Variants in GRIN2A observed in about 807,000 individuals in gnomAD.
GRIN2A encodes glutamate ionotropic receptor NMDA type subunit 2A.
GRIN2A carries 22 observed loss-of-function variants against 113.4 expected under a neutral mutation model. The ratio of observed to expected loss-of-function variants is 0.19; its 90% CI spans 0.14 to 0.28. The LOEUF (loss-of-function observed/expected upper bound fraction) is 0.28, where lower values mean the gene tolerates loss of function less well. Among genes scored for constraint, GRIN2A ranks in the 10% least tolerant of loss-of-function variants. GRIN2A has a pLI of 1.00. For missense variants in GRIN2A, 1,502 were observed against 1,887.0 expected (o/e 0.80, Z 3.78); for synonymous variants, 827 against 738.4 (o/e 1.12, Z -1.94).
intron 2 of GRIN2A, among the ~76,000 whole-genome samples, chr16:10,053,688 C>T (rs1476722985): frequency 5.9e-5 from 9 of 152,184 alleles, no homozygotes; most frequent in Non-Finnish European, 2.9e-5. Flanking sequence ...GCTGTTACAA[C>T]GTCCTTCTGT....
chr16:10,029,588 C>T (rs1403709227), intron 2 of GRIN2A, among the ~76,000 whole-genome samples: 1 of 152,228 alleles, frequency 6.6e-6, no homozygotes, highest in Non-Finnish European at 1.5e-5. Flanking sequence ...AAAGTTAATG[C>T]CCCAACATTT....
At chr16:9,930,967 G>T (rs1053774531) in intron 3 of GRIN2A, among the ~76,000 whole-genome samples, 2 of 152,178 alleles carry the variant, frequency 1.3e-5, no homozygotes, top group African/African-American at 4.8e-5. Flanking sequence ...TTTTAAAGCT[G>T]AAGCCTGACT....
chr16:9,762,038 C>G lies in GRIN2A; in HGVS notation c.*1111G>C, dbSNP rs1900606756. 1 of 200,408 alleles carries G rather than the reference C, an allele frequency of 5.0e-6. No homozygotes were observed. Among genetic ancestry groups the G allele is most frequent in the Admixed American group, 6.0e-5 (1 of 16,548 alleles). 12.4% of individuals were successfully genotyped at this position (200,408 alleles called of 1,614,324 possible). On this transcript the variant is annotated 3_prime_UTR_variant, in exon 13 of 13. Transcript: ENST00000330684. ...TTTCTGGATGTGAAGGAAGATAAAC[C>G]TAAAACCATGCTAGCCTTCGGCAGA...
intron 2 of GRIN2A, among the ~76,000 whole-genome samples, chr16:9,994,430 A>AG (rs1161966787): frequency 6.6e-6 from 1 of 152,152 alleles, no homozygotes; most frequent in Non-Finnish European, 1.5e-5. Context: ...GAAATGAGAG[A>AG]GTCTCAGCAA....
intron 2 of GRIN2A, chr16:10,112,295 A>G: frequency 1.5e-6 from 1 of 646,550 alleles, no homozygotes; most frequent in South Asian, 1.7e-5. Flanking sequence ...ATGTGGTGAC[A>G]GCAGCCCAGG....
At chr16:9,888,945 C>T (rs971758029) in intron 4 of GRIN2A, among the ~76,000 whole-genome samples, 15 of 151,996 alleles carry the variant, frequency 9.9e-5, no homozygotes, top group African/African-American at 3.6e-4. Flanking sequence ...CCTCAGATAG[C>T]CCCCACTTAT....
At chr16:9,829,340 G>C (rs1229056262) in intron 9 of GRIN2A, 83 bp downstream of exon 9, 1 of 847,336 alleles carries the variant, frequency 1.2e-6, no homozygotes, top group African/African-American at 1.7e-5. Context: ...GGATCTCAAT[G>C]AGAGGCACCT....
chr16:10,078,738 C>T (rs2142049848), intron 2 of GRIN2A, among the ~76,000 whole-genome samples: 1 of 152,320 alleles, frequency 6.6e-6, no homozygotes, highest in Middle Eastern at 3.4e-3. Context: ...CAGCCCCCTT[C>T]AGGCCAAGAG....
intron 2 of GRIN2A, among the ~76,000 whole-genome samples, chr16:10,024,377 C>T (rs1406017184): frequency 6.6e-6 from 1 of 152,142 alleles, no homozygotes; most frequent in Non-Finnish European, 1.5e-5. Flanking sequence ...TGTGTGCCAC[C>T]ACACCCAGCT....
At chr16:10,016,315 A>G (rs969050558) in intron 2 of GRIN2A, among the ~76,000 whole-genome samples, 5 of 152,092 alleles carry the variant, frequency 3.3e-5, no homozygotes, top group Non-Finnish European at 5.9e-5. Flanking sequence ...CTCATGGTAC[A>G]TGTTTCATCT....
At chr16:9,870,470 C>T (rs1160026384) in intron 4 of GRIN2A, among the ~76,000 whole-genome samples, 1 of 152,064 alleles carries the variant, frequency 6.6e-6, no homozygotes, top group Non-Finnish European at 1.5e-5. Flanking sequence ...GATAATAATA[C>T]AAAAGTCCTA....
intron 12 of GRIN2A, among the ~76,000 whole-genome samples, chr16:9,765,725 G>A (rs936291344): frequency 2.6e-5 from 4 of 152,080 alleles, no homozygotes; most frequent in East Asian, 3.9e-4. Flanking sequence ...TTACTTAATC[G>A]ACTCAATCTA....
rs2141125546 is a variant in GRIN2A, at chr16:9,763,337, A to G, written c.4207T>C (p.Ser1403Pro). The change falls in exon 13 of 13, where the codon TCG becomes CCG. Residue 1403 changes from serine (S) to proline (P), a missense_variant. Physicochemically the swap from Ser to Pro is moderately conservative, Grantham distance 74. Coordinates refer to ENST00000330684, the MANE Select transcript of GRIN2A (RefSeq NM_001134407.3). The part of the protein sequence containing the change: ...SQAVNDSYLR[S>P]SLRSTASYCS... ...TACGATGCCGTTGACCTCAAGGACGACCGAAGATAGCTGTCATTCACCGCC... is the reference window on the plus strand; with the variant it reads ...TACGATGCCGTTGACCTCAAGGACGGCCGAAGATAGCTGTCATTCACCGCC... 2 of 1,614,126 alleles carry G rather than the reference A, an allele frequency of 1.2e-6. No individual in the cohort carries two copies. Among genetic ancestry groups the G allele is most frequent in the Non-Finnish European group, 1.7e-6 (2 of 1,180,016 alleles).
intron 2 of GRIN2A, among the ~76,000 whole-genome samples, chr16:10,115,081 C>T (rs1254657649): frequency 6.6e-6 from 1 of 152,216 alleles, no homozygotes; most frequent in East Asian, 1.9e-4. Flanking sequence ...TGTGCATGTT[C>T]CTTCCCTGCT....
intron 2 of GRIN2A, 105 bp downstream of exon 2, chr16:10,179,893 C>CCCCAAACAAAAAA: frequency 9.7e-6 from 7 of 719,810 alleles, no homozygotes; most frequent in East Asian, 3.6e-5. Flanking sequence ...CCCCCACCCC[C>CCCCAAACAAAAAA]ACTTCACATC....
chr16:10,065,740 A>G (rs563303918), intron 2 of GRIN2A, among the ~76,000 whole-genome samples: 2 of 152,340 alleles, frequency 1.3e-5, no homozygotes, highest in East Asian at 1.9e-4. Flanking sequence ...CTAAGCTGGA[A>G]GAGGATTGGA....
At chr16:9,858,242 G>A (rs140877570) in intron 4 of GRIN2A, among the ~76,000 whole-genome samples, 36 of 152,248 alleles carry the variant, frequency 2.4e-4, no homozygotes, top group African/African-American at 8.7e-4. Flanking sequence ...AAGTGGGGAT[G>A]GCATTGCTTG....
chr16:9,788,341 T>C (rs1902364013), intron 11 of GRIN2A, among the ~76,000 whole-genome samples: 1 of 146,942 alleles, frequency 6.8e-6, no homozygotes, highest in South Asian at 2.2e-4. Context: ...CACTGCCACC[T>C]CCACCTCCTG....
chr16:10,129,647 G>A (rs193161575), intron 2 of GRIN2A, among the ~76,000 whole-genome samples: 1 of 152,192 alleles, frequency 6.6e-6, no homozygotes, highest in African/African-American at 2.4e-5. Flanking sequence ...AGGACCAAGG[G>A]AAAAGAGAGC....
Sources: allele counts gnomAD v4.1 joint callset (sites outside exome capture counted in the v4.1 genomes callset), GRCh38; gene constraint gnomAD v4.1.1; transcripts MANE v1.5; gene names NCBI Gene and HGNC (gene_info 2026-07-23, HGNC 2026-07-21).